The following RUVBL1 variants were observed in gnomAD, a reference collection of about 807,000 sequenced individuals.
RUVBL1 encodes the protein ruvB-like 1.
A neutral mutation model predicts 52.4 loss-of-function variants in RUVBL1; 4 were observed. The ratio of observed to expected loss-of-function variants is 0.08; its 90% CI spans 0.04 to 0.17. RUVBL1 has a LOEUF of 0.17. Ranked by LOEUF, RUVBL1 falls within the 10% of genes least tolerant of loss-of-function variation. RUVBL1 has a pLI of 1.00. For missense variants in RUVBL1, 298 were observed against 572.8 expected, an observed-to-expected ratio of 0.52 and a Z score of 4.90; for synonymous variants, 217 against 214.4, an observed-to-expected ratio of 1.01 and a Z score of -0.10.
At chr3:128,103,820 C>A (rs569949912) in intron 4 of RUVBL1, among the ~76,000 whole-genome samples, 1 of 152,220 alleles carries the variant, frequency 6.6e-6, no homozygotes, top group Admixed American at 6.5e-5. Flanking sequence ...TTATGAATGA[C>A]AATAAATGTT....
chr3:128,107,282 A>G (rs930583502), intron 3 of RUVBL1, among the ~76,000 whole-genome samples: 1 of 152,220 alleles, frequency 6.6e-6, no homozygotes, highest in Admixed American at 6.5e-5. Flanking sequence ...CTATTAGTTT[A>G]ATATTCCCCC....
intron 7 of RUVBL1, among the ~76,000 whole-genome samples, chr3:128,098,522 A>G (rs1943035981): frequency 6.6e-6 from 1 of 152,160 alleles, no homozygotes; most frequent in African/African-American, 2.4e-5. Flanking sequence ...CAAACTGGGC[A>G]GGGCAGTATG....
chr3:128,064,815 G>A, exon 10 of RUVBL1: 1 of 1,437,194 alleles, frequency 7.0e-7, no homozygotes. Flanking sequence ...CTGCTAAGAA[G>A]GCTAGAAGCA....
intron 3 of RUVBL1, among the ~76,000 whole-genome samples, chr3:128,110,726 G>A (rs752587870): frequency 2.8e-4 from 42 of 152,162 alleles, no homozygotes; most frequent in Admixed American, 7.9e-4. Context: ...AGAAGTACCC[G>A]CTCAGCTCCG....
At chr3:128,086,821 C>T (rs746672919) in intron 9 of RUVBL1, among the ~76,000 whole-genome samples, 10 of 152,264 alleles carry the variant, frequency 6.6e-5, no homozygotes, top group Admixed American at 6.5e-5. Flanking sequence ...AGAGGCAATT[C>T]CTACAGGGAC....
chr3:128,137,443 A>T (rs1307674601), intron 1 of RUVBL1, among the ~76,000 whole-genome samples: 1 of 152,214 alleles, frequency 6.6e-6, no homozygotes, highest in African/African-American at 2.4e-5. Context: ...AAAACCTAGA[A>T]GAATAGATAA....
At chr3:128,123,921 TC>T, upstream of RUVBL1, 1 of 1,241,454 alleles carries the variant, frequency 8.1e-7, no homozygotes, top group Non-Finnish European at 1.0e-6. Flanking sequence ...CTGCTAGAGC[TC>T]CGGTCACCCA....
chr3:128,128,762 G>A (rs1943834054), upstream of RUVBL1, among the ~76,000 whole-genome samples: 1 of 152,182 alleles, frequency 6.6e-6, no homozygotes, highest in South Asian at 2.1e-4. Context: ...AAGATAGATT[G>A]GGAAACAACT....
downstream of RUVBL1, among the ~76,000 whole-genome samples, chr3:128,076,721 G>A (rs1365464340): frequency 2.0e-5 from 3 of 151,878 alleles, no homozygotes; most frequent in East Asian, 2.0e-4. This position sits in a 1 kb window ranked among gnomAD's most constrained non-coding sequence, Gnocchi z 6.8. Context: ...ACGCGCGCGC[G>A]CAGCCCCGTG....
At chr3:128,150,807 CTATA>C (rs1559841398) in intron 1 of RUVBL1, among the ~76,000 whole-genome samples, 1 of 85,074 alleles carries the variant, frequency 1.2e-5, no homozygotes, top group Non-Finnish European at 2.1e-5. Context: ...ATTATATATT[CTATA>C]TATTATATAT....
Position 128,153,400 on chromosome 3 carries a change from G to A in RUVBL1, c.-237C>T, listed in dbSNP as rs947097365. The A allele has an allele frequency of 9.9e-6, 14 of 1,414,940 alleles. No homozygotes were observed. The Middle Eastern group carries it at 1.8e-3, about 185-fold the overall frequency. The allele number at this position is 1,414,940 out of a possible 1,614,324, so 87.6% of individuals were successfully genotyped here. On this transcript the variant is annotated 5_prime_UTR_variant, in exon 1 of 10. Transcript: ENST00000464873. Reference sequence around the variant, plus strand: ...CGGAAGCTTCCGGGCCGGAACGGGTGTGCACAGCGCGCCGGTTACGGGGGG... The same window carrying A: ...CGGAAGCTTCCGGGCCGGAACGGGTATGCACAGCGCGCCGGTTACGGGGGG...
intron 9 of RUVBL1, chr3:128,071,427 G>C (rs1375588984): frequency 6.5e-6 from 1 of 152,696 alleles, no homozygotes; most frequent in Non-Finnish European, 1.5e-5. Context: ...GCCTCTGGCA[G>C]GCAGGCAGCT....
At chr3:128,109,412 C>T (rs1015600240) in intron 3 of RUVBL1, among the ~76,000 whole-genome samples, 1 of 152,024 alleles carries the variant, frequency 6.6e-6, no homozygotes, top group Admixed American at 6.6e-5. Flanking sequence ...GATGGTGTCT[C>T]ACTCTGTAGC....
intron 9 of RUVBL1, chr3:128,075,078 G>A (rs2107661699): frequency 6.6e-6 from 1 of 152,272 alleles, no homozygotes; most frequent in Admixed American, 6.5e-5. Context: ...CCCAAAGGGG[G>A]TGCACTATTC....
At chr3:128,080,273 G>A (rs1043803692), downstream of RUVBL1, among the ~76,000 whole-genome samples, 17 of 152,318 alleles carry the variant, frequency 1.1e-4, no homozygotes, top group South Asian at 2.7e-3. Context: ...ATGAACTTCC[G>A]TAAGTCCATT....
At chr3:128,130,451 C>T (rs2107727903) in intron 1 of RUVBL1, among the ~76,000 whole-genome samples, 1 of 152,004 alleles carries the variant, frequency 6.6e-6, no homozygotes, top group Admixed American at 6.5e-5. Flanking sequence ...CTACTGGTTT[C>T]TACCAAACAT....
chr3:128,136,825 A>G (rs369522582), intron 1 of RUVBL1, among the ~76,000 whole-genome samples: 8 of 152,318 alleles, frequency 5.3e-5, no homozygotes, highest in Admixed American at 3.9e-4. Context: ...AGATCATTAT[A>G]TAATGATAAA....
intron 3 of RUVBL1, among the ~76,000 whole-genome samples, chr3:128,111,408 C>T (rs964943153): frequency 6.6e-6 from 1 of 152,132 alleles, no homozygotes; most frequent in Non-Finnish European, 1.5e-5. Context: ...CCATTCTTCC[C>T]CATCTCCAAA....
chr3:128,086,082 G>C (rs996498482), intron 9 of RUVBL1, among the ~76,000 whole-genome samples: 1 of 151,940 alleles, frequency 6.6e-6, no homozygotes, highest in Non-Finnish European at 1.5e-5. Flanking sequence ...CTGCAGCCTC[G>C]ACCTCCTGGG....
Sources: gnomAD v4.1 joint callset for allele counts (sites outside exome capture counted in the v4.1 genomes callset) on GRCh38, gnomAD v4.1.1 for gene constraint, Gnocchi (gnomAD v3.1) non-coding constraint, MANE v1.5 for transcripts, NCBI Gene and HGNC (gene_info 2026-07-23, HGNC 2026-07-21) for gene names.